Variants in SCYL2 observed in about 807,000 individuals in gnomAD.
The protein encoded by SCYL2 is SCY1 like pseudokinase 2, also known as SCY1-like protein 2.
Under a neutral mutation model 100.4 loss-of-function variants are expected in SCYL2, and 36 were observed. The observed-to-expected ratio is 0.36, with a 90% CI of 0.27 to 0.47. The LOEUF (loss-of-function observed/expected upper bound fraction) is 0.47. Ranked by LOEUF, SCYL2 falls within the 20% of genes least tolerant of loss-of-function variation. The pLI is 1.00. For synonymous variants in SCYL2, 330 were observed against 359.2 expected (o/e 0.92, Z 0.92); for missense variants, 902 against 1,083.9 (o/e 0.83, Z 2.36).
At chr12:100,269,151 C>G (rs944311763) in intron 1 of SCYL2, among the ~76,000 whole-genome samples, 1 of 152,116 alleles carries the variant, frequency 6.6e-6, no homozygotes, top group African/African-American at 2.4e-5. Flanking sequence ...TTAAGTAAAT[C>G]GAACACATTA....
chr12:100,316,839 C>T lies in SCYL2; in HGVS notation c.1273-964C>T, dbSNP rs149812222. 5.3e-5 allele frequency among the ~76,000 whole-genome samples: 8 copies of T among 152,288 alleles called. No homozygotes were observed. In the East Asian group the frequency reaches 5.8e-4, roughly 11 times the overall value. ...CTTTTGGGCCAGGTGCAGTGGCTCA[C>T]GCTTGTAATCCCAGTTCTTTGTCGT... On this transcript the variant is annotated intron_variant, in intron 9 of 17. Coordinates refer to ENST00000360820, the MANE Select transcript of SCYL2 (RefSeq NM_017988.6).
Position 100,339,559 on chromosome 12 carries a change from A to G in SCYL2, c.*387A>G, listed in dbSNP as rs1002357649. On this transcript the variant is annotated 3_prime_UTR_variant, in exon 18 of 18. Coordinates refer to ENST00000360820, the MANE Select transcript of SCYL2 (RefSeq NM_017988.6). The stretch of plus-strand genomic sequence containing the variant: ...TGCAAGCTCATCTATTAAGTACTAT[A>G]TGGTACACAGTCTATGAGTCATTAG... 9 of 206,298 alleles carry G rather than the reference A, an allele frequency of 4.4e-5. No homozygotes were observed. The highest frequency in any genetic ancestry group is 3.2e-4 in the Admixed American group (6 of 18,924). The allele number at this position is 206,298 out of a possible 1,614,324, so 12.8% of individuals were successfully genotyped here.
intron 1 of SCYL2, among the ~76,000 whole-genome samples, chr12:100,279,909 T>A (rs76816160): frequency 0.033 from 4,963 of 152,318 alleles, 104 homozygotes; most frequent in African/African-American, 0.059. Flanking sequence ...CAGTTTGCAT[T>A]TTCTTCAGCA....
At chr12:100,294,793 G>A (rs1212355362) in intron 3 of SCYL2, among the ~76,000 whole-genome samples, 2 of 149,786 alleles carry the variant, frequency 1.3e-5, no homozygotes, top group African/African-American at 2.5e-5. Flanking sequence ...GCCGGGCGGG[G>A]GGCTGACCCC....
chr12:100,323,372 T>A (rs2096358295), intron 10 of SCYL2, among the ~76,000 whole-genome samples, 153 bp from the exon 11 acceptor site: 1 of 152,212 alleles, frequency 6.6e-6, no homozygotes, highest in Non-Finnish European at 1.5e-5. Context: ...TAACCATTCA[T>A]TTTTCAAAGA....
chr12:100,290,051 G>A (rs1045628101), intron 2 of SCYL2, among the ~76,000 whole-genome samples: 15 of 152,130 alleles, frequency 9.9e-5, no homozygotes, highest in African/African-American at 3.1e-4. Context: ...GTGTAACGAC[G>A]TTAGCTAACA....
chr12:100,280,065 G>T (rs763545425), intron 1 of SCYL2, among the ~76,000 whole-genome samples: 9 of 152,140 alleles, frequency 5.9e-5, no homozygotes, highest in Non-Finnish European at 8.8e-5. Flanking sequence ...ATGTGCCTCT[G>T]GGGCAATCCT....
chr12:100,293,458 C>T (rs75025200), intron 3 of SCYL2, among the ~76,000 whole-genome samples: 6,687 of 152,066 alleles, frequency 0.044, 482 homozygotes, highest in African/African-American at 0.14. Flanking sequence ...TTTCTATCAG[C>T]GTCTCTAGTG....
At chr12:100,308,498 A>G (rs1253322198) in intron 4 of SCYL2, among the ~76,000 whole-genome samples, 2 of 152,034 alleles carry the variant, frequency 1.3e-5, no homozygotes, top group African/African-American at 4.8e-5. Flanking sequence ...GGGGTGGGGG[A>G]CTAGGGAAGG....
intron 7 of SCYL2, 75 bp from the exon 8 acceptor site, chr12:100,314,414 A>T: frequency 9.2e-7 from 1 of 1,091,532 alleles, no homozygotes; most frequent in Non-Finnish European, 1.3e-6. Context: ...TTTTTACCAT[A>T]TTGTGACAGT....
chr12:100,309,353 G>A (rs1342547223), intron 4 of SCYL2, among the ~76,000 whole-genome samples: 2 of 152,032 alleles, frequency 1.3e-5, no homozygotes, highest in Non-Finnish European at 2.9e-5. Flanking sequence ...CTGAAACTCT[G>A]CCCCTGAAAC....
chr12:100,280,094 C>T (rs1371970874), intron 1 of SCYL2, among the ~76,000 whole-genome samples: 2 of 152,150 alleles, frequency 1.3e-5, no homozygotes, highest in African/African-American at 4.8e-5. Context: ...TGTTCTCTTT[C>T]TTACTGGGGT....
At position 100,314,491 on chromosome 12, in the gene SCYL2, T is replaced by A; in HGVS notation, c.972T>A (p.Ile324=). 6.3e-7 allele frequency: 1 copy of A among 1,579,456 alleles called. No homozygotes were observed. The highest frequency in any genetic ancestry group is 2.3e-5 in the East Asian group (1 of 44,090). ...TACTTTATTTCCATTTTTTTTAGAT[T>A]CCCTTCTTTGATGATGTTGGTGCAG... ...VRPDADQMTK[I]PFFDDVGAVT... is the part of the protein sequence containing the mutation. The change falls in exon 8 of 18, where the codon ATT becomes ATA. Residue 324 remains isoleucine (I), a splice_region_variant and synonymous_variant. Coordinates refer to ENST00000360820, the MANE Select transcript of SCYL2 (RefSeq NM_017988.6).
chr12:100,311,180 C>T lies in SCYL2; in HGVS notation c.617C>T (p.Pro206Leu), dbSNP rs562433151. 106 of 1,593,144 alleles carry T rather than the reference C, an allele frequency of 6.7e-5. 3 individuals are homozygous for T. In the South Asian group the frequency reaches 1.2e-3, roughly 18 times the overall value. The change falls in exon 5 of 18, where the codon CCT becomes CTT. Residue 206 changes from proline to leucine, a missense_variant. Transcript: ENST00000360820. ...GFDFCVSSTN[P>L]SEQEPKFPCK... Reference sequence around the variant, plus strand: ...GATTTTTGTGTATCATCAACCAATCCTTCTGAACAAGAGGTAATGAAAGTT... The same window carrying T: ...GATTTTTGTGTATCATCAACCAATCTTTCTGAACAAGAGGTAATGAAAGTT...
At chr12:100,295,918 G>T (rs919750026) in intron 3 of SCYL2, among the ~76,000 whole-genome samples, 1 of 152,154 alleles carries the variant, frequency 6.6e-6, no homozygotes, top group Non-Finnish European at 1.5e-5. Flanking sequence ...AGCAGATGCC[G>T]GGCCATCCTG....
chr12:100,281,019 G>GTTTTTTTTTTTTTT lies in SCYL2; in HGVS notation c.-28-1908_-28-1895dup, dbSNP rs202048587. Reference sequence around the variant, plus strand: ...ATTTTATTGTCCCTTTACCATCAGTGTTTTTTTTTTTTTTTTTTTTTTTTT... The same window carrying GTTTTTTTTTTTTTT: ...ATTTTATTGTCCCTTTACCATCAGTGTTTTTTTTTTTTTTTTTTTTTTTTTTTTTTTTTTTTTTT... On this transcript the variant is annotated intron_variant, in intron 1 of 17. Coordinates refer to ENST00000360820, the MANE Select transcript of SCYL2 (RefSeq NM_017988.6). Among the ~76,000 whole-genome samples, 15 of 50,492 alleles carry GTTTTTTTTTTTTTT rather than the reference G, an allele frequency of 3.0e-4. 1 individual carries two copies. In the East Asian group the frequency reaches 3.1e-3, roughly 10 times the overall value. 33.1% of individuals were successfully genotyped at this position (50,492 alleles called of 152,430 possible). A position where few individuals can be genotyped will look rare whatever the true frequency, so the allele number is the denominator to read the frequency against.
At chr12:100,318,079 A>G (rs1333243889) in intron 10 of SCYL2, among the ~76,000 whole-genome samples, 154 bp downstream of exon 10, 11 of 152,246 alleles carry the variant, frequency 7.2e-5, no homozygotes, top group Admixed American at 7.2e-4. Flanking sequence ...TACTGTAACT[A>G]AAATATATTC....
In SCYL2 at chr12:100,267,288, C is replaced by T. The variant is rs1409199207; in HGVS notation, c.-533C>T. On this transcript the variant is annotated 5_prime_UTR_variant, in exon 1 of 18. Coordinates refer to ENST00000360820, the MANE Select transcript of SCYL2 (RefSeq NM_017988.6). Reference sequence around the variant, plus strand: ...GGGCGGCGGAGGATATGGAGTAAAGCCAGAGTCAGTGGCCAGGCACGAAGG... The same window carrying T: ...GGGCGGCGGAGGATATGGAGTAAAGTCAGAGTCAGTGGCCAGGCACGAAGG... 1.8e-6 allele frequency: 1 copy of T among 549,656 alleles called. No homozygotes were observed. Among genetic ancestry groups the T allele is most frequent in the African/African-American group, 1.9e-5 (1 of 52,366 alleles). 34.0% of individuals were successfully genotyped at this position (549,656 alleles called of 1,614,324 possible).
In SCYL2 at chr12:100,341,145, A is replaced by C. The variant is rs536238392; in HGVS notation, c.*1973A>C. 6.6e-6 allele frequency: 1 copy of C among 152,214 alleles called. No individual in the cohort carries two copies. The highest frequency in any genetic ancestry group is 2.4e-5 in the African/African-American group (1 of 41,570). The allele number at this position is 152,214 out of a possible 1,614,324, so 9.4% of individuals were successfully genotyped here. ...GTTCATTCGTTGAGGTAATGGTGCT[A>C]TGTTTTTACAAAATTGTTCCTACAC... On this transcript the variant is annotated 3_prime_UTR_variant, in exon 18 of 18. Transcript: ENST00000360820.
Sources: gnomAD v4.1 joint callset for allele counts (sites outside exome capture counted in the v4.1 genomes callset) on GRCh38, gnomAD v4.1.1 for gene constraint, MANE v1.5 for transcripts, NCBI Gene and HGNC (gene_info 2026-07-23, HGNC 2026-07-21) for gene names.